The following CSGALNACT1 variants were observed in gnomAD, a reference collection of about 807,000 sequenced individuals.
CSGALNACT1 encodes chondroitin sulfate N-acetylgalactosaminyltransferase 1, also known as beta4GalNAcT-1.
In CSGALNACT1, 52 loss-of-function variants were observed where a neutral mutation model predicts 51.0. The observed-to-expected ratio is 1.02, with a 90% CI of 0.82 to 1.29. CSGALNACT1 has a LOEUF of 1.29. Among genes scored for constraint, CSGALNACT1 ranks in the 50% most tolerant of loss-of-function variants. The pLI, the probability that CSGALNACT1 is intolerant of heterozygous loss-of-function variation, is 0.00. For synonymous variants in CSGALNACT1, 341 were observed against 254.4 expected (o/e 1.34, Z -3.24); for missense variants, 935 against 679.2 (o/e 1.38, Z -4.19).
At chr8:19,444,451 T>C (rs374363367) in intron 5 of CSGALNACT1, among the ~76,000 whole-genome samples, 2 of 152,208 alleles carry the variant, frequency 1.3e-5, no homozygotes, top group South Asian at 2.1e-4. Flanking sequence ...CGTGTATGTG[T>C]GTAATTTTAA....
chr8:19,435,775 G>T (rs2060279405), intron 6 of CSGALNACT1, among the ~76,000 whole-genome samples: 2 of 152,270 alleles, frequency 1.3e-5, no homozygotes, highest in African/African-American at 2.4e-5. Context: ...TACAGAATAA[G>T]AATCAGATAT....
At chr8:19,478,415 A>C (rs1220391698) in intron 4 of CSGALNACT1, among the ~76,000 whole-genome samples, 1 of 15,232 alleles carries the variant, frequency 6.6e-5, no homozygotes, top group African/African-American at 1.1e-4. Context: ...CTCCGTCTCA[A>C]AAAAAAAAAA....
intron 1 of CSGALNACT1, among the ~76,000 whole-genome samples, chr8:19,736,855 G>A (rs1171189177): frequency 6.6e-6 from 1 of 151,906 alleles, no homozygotes; most frequent in Non-Finnish European, 1.5e-5. Flanking sequence ...AGAAATAATG[G>A]CTGAGAATTT....
chr8:19,563,719 C>G (rs975737800), intron 3 of CSGALNACT1, among the ~76,000 whole-genome samples: 3 of 152,158 alleles, frequency 2.0e-5, no homozygotes, highest in Admixed American at 6.5e-5. Flanking sequence ...TTTAATCCAC[C>G]CTTCAAAGTC....
intron 6 of CSGALNACT1, among the ~76,000 whole-genome samples, chr8:19,423,899 G>C (rs1225106111): frequency 6.6e-6 from 1 of 152,188 alleles, no homozygotes; most frequent in Non-Finnish European, 1.5e-5. Flanking sequence ...AGAAAGCCCT[G>C]GGAAGTGGTA....
chr8:19,404,313 A>T (rs1295694417), exon 10 of CSGALNACT1: 1 of 453,278 alleles, frequency 2.2e-6, no homozygotes. Context: ...CTTTTAAACA[A>T]TGAGTTTACT....
At chr8:19,468,472 T>G (rs1334744649) in intron 4 of CSGALNACT1, among the ~76,000 whole-genome samples, 2 of 151,928 alleles carry the variant, frequency 1.3e-5, no homozygotes, top group Non-Finnish European at 2.9e-5. Flanking sequence ...CGGGTCAGCG[T>G]TTTAGCATGG....
At position 19,621,456 on chromosome 8, in the gene CSGALNACT1, A is replaced by G. The variant is rs528772629; in HGVS notation, c.-543-19591T>C. Among the ~76,000 whole-genome samples, 8 of 152,222 alleles carry G rather than the reference A, an allele frequency of 5.3e-5. No homozygotes were observed. The South Asian group carries it at 1.7e-3, about 32-fold the overall frequency. ...GAACAAGTGTACTTCCAACATGAAT[A>G]CTTGTTGATATTTTCTTCTAATAAT... On this transcript the variant is annotated intron_variant, in intron 1 of 9. Coordinates refer to the CSGALNACT1 transcript ENST00000332246.
intron 4 of CSGALNACT1, among the ~76,000 whole-genome samples, chr8:19,464,644 T>G (rs1357455043): frequency 6.6e-6 from 1 of 152,168 alleles, no homozygotes; most frequent in Non-Finnish European, 1.5e-5. Context: ...GAGCTCTGCC[T>G]GCTGTCAGAA....
rs60746708 is a variant in CSGALNACT1 at position 19,407,905 on chromosome 8, TTGTGTGTGTGTGTGTGTG to T, written c.1309+690_1309+707del. Among the ~76,000 whole-genome samples the T allele has an allele frequency of 2.5e-3, 278 of 112,656 alleles. 5 individuals carry two copies. The highest frequency in any genetic ancestry group is 8.4e-3 in the South Asian group (30 of 3,560). 73.9% of individuals were successfully genotyped at this position (112,656 alleles called of 152,430 possible). A position where few individuals can be genotyped will look rare whatever the true frequency, so the allele number is the denominator to read the frequency against. On this transcript the variant is annotated intron_variant, in intron 9 of 9. Transcript: ENST00000454498. ...GCATGTGGACATTTGTGTATATGAATTGTGTGTGTGTGTGTGTGTGTGTGTGTGTGTGTGTGTGTGTGT... is the reference window on the plus strand; with the variant it reads ...GCATGTGGACATTTGTGTATATGAATTGTGTGTGTGTGTGTGTGTGTGTGT...
upstream of CSGALNACT1, among the ~76,000 whole-genome samples, chr8:19,686,417 T>C (rs942001703): frequency 6.6e-6 from 1 of 152,212 alleles, no homozygotes; most frequent in Non-Finnish European, 1.5e-5. Flanking sequence ...GGAGTCTTGC[T>C]GCCACAGCCA....
intron 3 of CSGALNACT1, among the ~76,000 whole-genome samples, chr8:19,540,327 G>A (rs545016654): frequency 3.3e-5 from 5 of 152,150 alleles, no homozygotes; most frequent in Non-Finnish European, 7.4e-5. Flanking sequence ...ATGGAAAACA[G>A]TATTTATTCT....
chr8:19,632,956 C>A (rs1589159154), intron 1 of CSGALNACT1, among the ~76,000 whole-genome samples: 1 of 144,442 alleles, frequency 6.9e-6, no homozygotes, highest in African/African-American at 2.6e-5. Flanking sequence ...TTGGTAGAGA[C>A]GAGGTTTCCC....
At position 19,559,050 on chromosome 8, in the gene CSGALNACT1, A is replaced by G. The variant is rs185719881; in HGVS notation, c.-297+32110T>C. Reference sequence around the variant, plus strand: ...TCAAAGCAACTGTGGCTTTCACAACAAAAAAGCTTAATTTTTATTCCTCAG... The same window carrying G: ...TCAAAGCAACTGTGGCTTTCACAACGAAAAAGCTTAATTTTTATTCCTCAG... On this transcript the variant is annotated intron_variant, in intron 3 of 9. Transcript: ENST00000454498. Among the ~76,000 whole-genome samples the G allele has an allele frequency of 1.8e-4, 27 of 152,288 alleles. No homozygotes were observed. In the East Asian group the frequency reaches 4.2e-3, roughly 24 times the overall value.
chr8:19,681,429 C>T (rs1285044001), intron 1 of CSGALNACT1, among the ~76,000 whole-genome samples: 2 of 152,134 alleles, frequency 1.3e-5, no homozygotes, highest in East Asian at 1.9e-4. Flanking sequence ...GCTCCTCCAT[C>T]ACAGCAGACT....
chr8:19,434,042 C>T (rs555543353), intron 6 of CSGALNACT1, among the ~76,000 whole-genome samples: 1 of 152,250 alleles, frequency 6.6e-6, no homozygotes, highest in Admixed American at 6.5e-5. Context: ...CATAAAGCTC[C>T]CTTTCACACC....
In CSGALNACT1 at chr8:19,673,933, T is replaced by A. The variant is rs79035731; in HGVS notation, c.-544+8540A>T. ...CACCCAAAATATATTACTGAAAAGATAAATGCAGAGAACTTGTCATCTAAG... is the reference window on the plus strand; with the variant it reads ...CACCCAAAATATATTACTGAAAAGAAAAATGCAGAGAACTTGTCATCTAAG... On this transcript the variant is annotated intron_variant, in intron 1 of 9. Coordinates refer to the CSGALNACT1 transcript ENST00000332246. 8.8e-3 allele frequency among the ~76,000 whole-genome samples: 1,344 copies of A among 152,294 alleles called. 25 individuals carry two copies. Among genetic ancestry groups the A allele is most frequent in the African/African-American group, 0.031 (1,285 of 41,540 alleles).
intron 3 of CSGALNACT1, among the ~76,000 whole-genome samples, chr8:19,513,434 CTCTATATATATATATA>C (rs1429614595): frequency 4.5e-5 from 3 of 66,574 alleles, no homozygotes; most frequent in South Asian, 5.3e-4. Context: ...CTCTCTCTCT[CTCTATATATATATATA>C]TATATATATA....
At chr8:19,677,463 C>A (rs1020925402) in intron 1 of CSGALNACT1, among the ~76,000 whole-genome samples, 1 of 152,052 alleles carries the variant, frequency 6.6e-6, no homozygotes, top group African/African-American at 2.4e-5. Context: ...TGAGATGACA[C>A]AGTAGAGAAG....
Sources: gnomAD v4.1 joint callset for allele counts (sites outside exome capture counted in the v4.1 genomes callset) on GRCh38, gnomAD v4.1.1 for gene constraint, MANE v1.5 for transcripts, NCBI Gene and HGNC (gene_info 2026-07-23, HGNC 2026-07-21) for gene names.